Variants in TAMM41 observed in about 807,000 individuals in gnomAD.
The protein encoded by TAMM41 is TAM41 mitochondrial translocator assembly and maintenance homolog, also known as phosphatidate cytidylyltransferase, mitochondrial.
TAMM41 carries 36 observed loss-of-function variants against 44.1 expected under a neutral mutation model. The observed-to-expected ratio is 0.82, with a 90% CI of 0.63 to 1.08. TAMM41 has a LOEUF of 1.08. TAMM41 is among the 50% of genes least tolerant of loss of function. The probability of loss-of-function intolerance (pLI) is 0.00; values close to 1 mark genes in which losing one functional copy is unlikely to be tolerated. For synonymous variants in TAMM41, 164 were observed against 153.1 expected (o/e 1.07, Z -0.53); for missense variants, 417 against 404.3 (o/e 1.03, Z -0.27).
the TAMM41 span, among the ~76,000 whole-genome samples, chr3:11,765,065 T>C: frequency 6.6e-6 from 1 of 152,338 alleles, no homozygotes; most frequent in African/African-American, 2.4e-5. Context: ...ACACTGTTTT[T>C]ATAGCTTTCA....
chr3:11,755,250 T>A, the TAMM41 span, among the ~76,000 whole-genome samples: 1 of 150,860 alleles, frequency 6.6e-6, no homozygotes, highest in African/African-American at 2.5e-5. Flanking sequence ...CCAAGGCCAC[T>A]ATCTGGGCTT....
chr3:11,772,992 T>C, the TAMM41 span, among the ~76,000 whole-genome samples: 2 of 152,196 alleles, frequency 1.3e-5, no homozygotes, highest in East Asian at 1.9e-4. Flanking sequence ...AGTCTAGCTC[T>C]GTTGCCCAGG....
chr3:11,817,424 C>G, intron 4 of TAMM41, 87 bp from the exon 5 acceptor site: 1 of 1,358,844 alleles, frequency 7.4e-7, no homozygotes, highest in Non-Finnish European at 1.0e-6. Context: ...TGATACCGCA[C>G]GGGTTCACTC....
chr3:11,740,727 G>T, the TAMM41 span, among the ~76,000 whole-genome samples: 30 of 151,758 alleles, frequency 2.0e-4, no homozygotes, highest in Non-Finnish European at 3.5e-4. Context: ...CACCGCGCCC[G>T]GCTGATTTTT....
rs1029160089 is a variant in TAMM41, at chr3:11,808,035, A to C, written c.875-140T>G. ...AAATCTATCTCTGTCCTGCTGTCAC[A>C]GTGACAATGAAAAGGGCAGTGGGAT... On this transcript the variant is annotated intron_variant, in intron 6 of 7. Transcript: ENST00000455809. 7.1e-6 allele frequency: 10 copies of C among 1,413,050 alleles called. 1 individual carries two copies. In the African/African-American group the frequency reaches 1.4e-4, roughly 20 times the overall value. 87.5% of individuals were successfully genotyped at this position (1,413,050 alleles called of 1,614,324 possible).
chr3:11,807,252 T>C, intron 7 of TAMM41: 2 of 1,432,530 alleles, frequency 1.4e-6, no homozygotes, highest in Non-Finnish European at 1.8e-6. Context: ...TGAAAACTAA[T>C]TAGCCAAAAC....
At chr3:11,749,704 C>T in the TAMM41 span, among the ~76,000 whole-genome samples, 5 of 152,038 alleles carry the variant, frequency 3.3e-5, no homozygotes, top group Admixed American at 6.6e-5. Context: ...AGATATGAAG[C>T]GGAAGGGAGG....
the TAMM41 span, among the ~76,000 whole-genome samples, chr3:11,734,671 G>T: frequency 6.6e-6 from 1 of 152,054 alleles, no homozygotes; most frequent in East Asian, 1.9e-4. Flanking sequence ...TGATTAGCAG[G>T]GAAGAAGATC....
chr3:11,767,430 A>C, the TAMM41 span, among the ~76,000 whole-genome samples: 1 of 151,870 alleles, frequency 6.6e-6, no homozygotes, highest in Non-Finnish European at 1.5e-5. Flanking sequence ...GTTGCTATGG[A>C]TATTGCTGCA....
At chr3:11,772,837 A>G in the TAMM41 span, among the ~76,000 whole-genome samples, 1 of 152,156 alleles carries the variant, frequency 6.6e-6, no homozygotes, top group Non-Finnish European at 1.5e-5. Context: ...TAATCTTGAG[A>G]ATCATCCTGC....
chr3:11,846,686 G>A lies in TAMM41; in HGVS notation c.-50C>T. ...TCAGCGCAGCAGGGCGAGGACAACC[G>A]GGCGGGGAACAGACACCGGGTAGGC... On this transcript the variant is annotated 5_prime_UTR_variant, in exon 1 of 8. Transcript: ENST00000455809. 2.5e-6 allele frequency: 4 copies of A among 1,612,346 alleles called. No individual in the cohort carries two copies. Among genetic ancestry groups the A allele is most frequent in the Non-Finnish European group, 3.4e-6 (4 of 1,179,190 alleles).
At chr3:11,743,933 A>C in the TAMM41 span, among the ~76,000 whole-genome samples, 1 of 152,154 alleles carries the variant, frequency 6.6e-6, no homozygotes, top group Non-Finnish European at 1.5e-5. Context: ...TCCATGCCCA[A>C]ATGAACCAAT....
At chr3:11,828,267 G>C (rs2078839269) in intron 4 of TAMM41, among the ~76,000 whole-genome samples, 1 of 152,142 alleles carries the variant, frequency 6.6e-6, no homozygotes, top group South Asian at 2.1e-4. Flanking sequence ...TCTTGTTCCA[G>C]CAAAAATCAG....
chr3:11,840,466 C>CTCAGGTG (rs1309990098), intron 2 of TAMM41, among the ~76,000 whole-genome samples: 1 of 151,996 alleles, frequency 6.6e-6, no homozygotes, highest in African/African-American at 2.4e-5. Context: ...AACTCCTGAC[C>CTCAGGTG]TCAGGTGATC....
the TAMM41 span, among the ~76,000 whole-genome samples, chr3:11,723,471 C>T: frequency 6.6e-6 from 1 of 151,516 alleles, no homozygotes; most frequent in African/African-American, 2.4e-5. Context: ...GTCCCAGCTA[C>T]TTGGGAGGCT....
At chr3:11,729,095 A>T in the TAMM41 span, among the ~76,000 whole-genome samples, 1 of 151,960 alleles carries the variant, frequency 6.6e-6, no homozygotes, top group Non-Finnish European at 1.5e-5. Context: ...CATGGTTCTG[A>T]GAAAGTGCCC....
the TAMM41 span, among the ~76,000 whole-genome samples, chr3:11,735,060 A>AG: frequency 6.6e-6 from 1 of 151,266 alleles, no homozygotes; most frequent in Non-Finnish European, 1.5e-5. Context: ...AAAAAAAAAA[A>AG]AACAAAAAGC....
the TAMM41 span, among the ~76,000 whole-genome samples, chr3:11,734,014 TG>T: frequency 0.037 from 5,585 of 152,234 alleles, 305 homozygotes; most frequent in African/African-American, 0.12. Context: ...CCTCATTATG[TG>T]GGCCAGCACA....
chr3:11,751,686 G>T, the TAMM41 span, among the ~76,000 whole-genome samples: 2 of 152,176 alleles, frequency 1.3e-5, no homozygotes, highest in Admixed American at 1.3e-4. Context: ...GCTTACCCCC[G>T]AAGTGTGTCA....
Sources: allele counts gnomAD v4.1 joint callset (sites outside exome capture counted in the v4.1 genomes callset), GRCh38; gene constraint gnomAD v4.1.1; transcripts MANE v1.5; gene names NCBI Gene and HGNC (gene_info 2026-07-23, HGNC 2026-07-21).